The following RBFOX3 variants were observed in gnomAD, a reference collection of about 807,000 sequenced individuals.
RBFOX3 encodes RNA binding protein fox-1 homolog 3.
Under a neutral mutation model 48.7 loss-of-function variants are expected in RBFOX3, and 17 were observed. That is an observed-to-expected ratio of 0.35 (90% CI 0.24 to 0.52). RBFOX3 has a LOEUF of 0.52. Among genes scored for constraint, RBFOX3 ranks in the 20% least tolerant of loss-of-function variants. The pLI is 0.94. For synonymous variants in RBFOX3, 212 were observed against 209.5 expected, an observed-to-expected ratio of 1.01 and a Z score of -0.10; for missense variants, 382 against 497.5, an observed-to-expected ratio of 0.77 and a Z score of 2.21.
intron 4 of RBFOX3, among the ~76,000 whole-genome samples, chr17:79,121,758 G>T (rs1223049647): frequency 6.6e-6 from 1 of 152,022 alleles, no homozygotes; most frequent in Non-Finnish European, 1.5e-5. Context: ...CCAACATCTG[G>T]ATACTGATGG....
At chr17:79,157,223 G>C (rs553393630) in intron 4 of RBFOX3, among the ~76,000 whole-genome samples, 9 of 152,292 alleles carry the variant, frequency 5.9e-5, no homozygotes, top group African/African-American at 2.2e-4. Context: ...CCCCCACTCT[G>C]TCCTCACGCT....
chr17:79,128,436 A>C (rs1356261408), intron 4 of RBFOX3, among the ~76,000 whole-genome samples: 5 of 152,082 alleles, frequency 3.3e-5, no homozygotes, highest in African/African-American at 1.2e-4. Flanking sequence ...CCCAGGATGG[A>C]GGTCACAGGT....
chr17:79,496,767 CCCA>C (rs1598941692), intron 1 of RBFOX3, among the ~76,000 whole-genome samples: 1 of 152,170 alleles, frequency 6.6e-6, no homozygotes, highest in East Asian at 1.9e-4. Flanking sequence ...CACAGTGATG[CCCA>C]CCTCTGAGCC....
intron 2 of RBFOX3, among the ~76,000 whole-genome samples, chr17:79,398,506 C>T (rs980989697): frequency 1.3e-5 from 2 of 152,128 alleles, no homozygotes; most frequent in Non-Finnish European, 2.9e-5. Context: ...GTAATTTTAC[C>T]TCCTGGGGAG....
chr17:79,441,281 G>T (rs1002894374), intron 2 of RBFOX3, among the ~76,000 whole-genome samples: 3 of 152,232 alleles, frequency 2.0e-5, no homozygotes, highest in African/African-American at 7.2e-5. Flanking sequence ...CGGAGCCTCG[G>T]CCTGCAGGGG....
At chr17:79,497,640 C>T (rs1459333223) in intron 1 of RBFOX3, among the ~76,000 whole-genome samples, 1 of 152,202 alleles carries the variant, frequency 6.6e-6, no homozygotes, top group Non-Finnish European at 1.5e-5. Context: ...AGCTCTAGAA[C>T]AATGTCCTCT....
In RBFOX3 at chr17:79,383,031, AACACACACAC is replaced by A. The variant is rs60851419; in HGVS notation, c.-174-75217_-174-75208del. Reference sequence around the variant, plus strand: ...CAAATCAATCAATCTCTGCCTCTCAAACACACACACACACACACACACACACACACACACA... The same window carrying A: ...CAAATCAATCAATCTCTGCCTCTCAAACACACACACACACACACACACACA... On this transcript the variant is annotated intron_variant, in intron 2 of 14. Coordinates refer to ENST00000693108, the MANE Select transcript of RBFOX3 (RefSeq NM_001350451.2). Among the ~76,000 whole-genome samples, 151 of 141,398 alleles carry A rather than the reference AACACACACAC, an allele frequency of 1.1e-3. 2 individuals are homozygous for A. Among genetic ancestry groups the A allele is most frequent in the African/African-American group, 3.0e-3 (108 of 35,732 alleles). 92.8% of individuals were successfully genotyped at this position (141,398 alleles called of 152,430 possible). A position where few individuals can be genotyped will look rare whatever the true frequency, so the allele number is the denominator to read the frequency against.
intron 1 of RBFOX3, among the ~76,000 whole-genome samples, chr17:79,590,867 A>G (rs1019491676): frequency 1.3e-5 from 2 of 152,190 alleles, no homozygotes; most frequent in African/African-American, 4.8e-5. Flanking sequence ...TATCAAACAC[A>G]GCCAGCATGG....
intron 1 of RBFOX3, among the ~76,000 whole-genome samples, chr17:79,592,785 C>T (rs2093460892): frequency 6.6e-6 from 1 of 152,214 alleles, no homozygotes; most frequent in African/African-American, 2.4e-5. Flanking sequence ...GCATGGGGCC[C>T]TTGACAGGGA....
chr17:79,472,954 G>A (rs1335818257), intron 2 of RBFOX3, among the ~76,000 whole-genome samples: 4 of 152,190 alleles, frequency 2.6e-5, no homozygotes, highest in African/African-American at 9.7e-5. Flanking sequence ...CTGCCCAGCT[G>A]ATCTCAAACA....
intron 4 of RBFOX3, among the ~76,000 whole-genome samples, chr17:79,142,083 C>T (rs1975865): frequency 0.98 from 148,943 of 152,332 alleles, 72,914 homozygotes; most frequent in East Asian, 1. Flanking sequence ...TGCTTTGAAA[C>T]ACCGTCTGGA....
rs868854338 is a variant in RBFOX3, at chr17:79,283,558, C to T, written c.-74+24166G>A. Among the ~76,000 whole-genome samples the T allele has an allele frequency of 4.6e-5, 7 of 152,182 alleles. No homozygotes were observed. In the East Asian group the frequency reaches 5.8e-4, roughly 13 times the overall value. On this transcript the variant is annotated intron_variant, in intron 3 of 14. Transcript: ENST00000693108. ...TGCTGGGATTACAGGCGTGAGCTAT[C>T]GCATGTGAATTCGGTCTAGATTTAA...
chr17:79,445,349 T>A (rs952854714), intron 2 of RBFOX3, among the ~76,000 whole-genome samples: 5 of 151,952 alleles, frequency 3.3e-5, no homozygotes, highest in Admixed American at 2.6e-4. Context: ...GGATGAAAAA[T>A]GAGTTTCTAA....
At chr17:79,156,788 T>A (rs1223965352) in intron 4 of RBFOX3, among the ~76,000 whole-genome samples, 1 of 152,270 alleles carries the variant, frequency 6.6e-6, no homozygotes, top group South Asian at 2.1e-4. Context: ...GCCCCTGAGC[T>A]GGACAGCAGG....
intron 2 of RBFOX3, among the ~76,000 whole-genome samples, chr17:79,334,726 C>T (rs1049055233): frequency 3.3e-5 from 5 of 152,230 alleles, no homozygotes; most frequent in African/African-American, 4.8e-5. Flanking sequence ...AGCTCCCACA[C>T]ATCTTTCCAG....
intron 2 of RBFOX3, among the ~76,000 whole-genome samples, chr17:79,349,275 C>A (rs1031900503): frequency 6.6e-6 from 1 of 152,064 alleles, no homozygotes; most frequent in African/African-American, 2.4e-5. Context: ...CAGGCACAGT[C>A]CTGCCTGCAC....
intron 4 of RBFOX3, among the ~76,000 whole-genome samples, chr17:79,143,684 G>C (rs950970358): frequency 6.6e-6 from 1 of 152,198 alleles, no homozygotes; most frequent in Admixed American, 6.5e-5. Flanking sequence ...GAACGGGGTA[G>C]GGGACCGTCG....
intron 4 of RBFOX3, among the ~76,000 whole-genome samples, chr17:79,123,845 T>C (rs919774076): frequency 1.3e-5 from 2 of 152,202 alleles, no homozygotes; most frequent in African/African-American, 2.4e-5. Flanking sequence ...AACCCGGCTG[T>C]GCTGCAGGCC....
intron 2 of RBFOX3, among the ~76,000 whole-genome samples, chr17:79,326,541 G>A (rs926286529): frequency 6.6e-6 from 1 of 152,164 alleles, no homozygotes. Context: ...TACTTTATAG[G>A]TGAGAGAACA....
Sources: gnomAD v4.1 joint callset for allele counts (sites outside exome capture counted in the v4.1 genomes callset) on GRCh38, gnomAD v4.1.1 for gene constraint, MANE v1.5 for transcripts, NCBI Gene and HGNC (gene_info 2026-07-23, HGNC 2026-07-21) for gene names.